DDX3X: variants seen among roughly 807,000 people sequenced by gnomAD.
DDX3X encodes the protein ATP-dependent RNA helicase DDX3X.
DDX3X carries 4 observed loss-of-function variants against 52.7 expected under a neutral mutation model. That is an observed-to-expected ratio of 0.08 (90% confidence interval 0.04 to 0.17). The LOEUF (loss-of-function observed/expected upper bound fraction) is 0.17, where lower values mean the gene tolerates loss of function less well. DDX3X is among the 10% of genes least tolerant of loss of function. The probability of loss-of-function intolerance (pLI) is 1.00; values close to 1 mark genes in which losing one functional copy is unlikely to be tolerated. For missense variants in DDX3X, 222 were observed against 548.6 expected, an observed-to-expected ratio of 0.40 and a Z score of 5.95; for synonymous variants, 192 against 178.1, an observed-to-expected ratio of 1.08 and a Z score of -0.62.
chrX:41,347,251 A>T (rs2063938103), intron 15 of DDX3X, 61 bp from the exon 16 acceptor site: 1 of 1,125,661 alleles, frequency 8.9e-7, no homozygotes, highest in South Asian at 2.0e-5. Flanking sequence ...ATTAGGAAAG[A>T]GTTAGGTTAC....
At chrX:41,334,490 G>T (rs1054301976) in intron 1 of DDX3X, 193 bp downstream of exon 1, 67 of 1,096,293 alleles carry the variant, frequency 6.1e-5, no homozygotes, top group Non-Finnish European at 7.5e-5. Flanking sequence ...CCCGGTCTCG[G>T]CCCGCTGTAT....
At chrX:41,361,369 G>A (rs181728948) in intron 5 of DDX3X, among the ~76,000 whole-genome samples, 7 of 109,430 alleles carry the variant, frequency 6.4e-5, no homozygotes, top group South Asian at 7.9e-4. Context: ...AAAATTAGCC[G>A]GGTGTGGTGG....
At chrX:41,358,306 G>A (rs756810754) in intron 5 of DDX3X, among the ~76,000 whole-genome samples, 122 of 109,283 alleles carry the variant, frequency 1.1e-3, no homozygotes, top group Non-Finnish European at 1.7e-3. Flanking sequence ...TCGAACCCCC[G>A]ACCTCGTGGT....
chrX:41,334,891 G>A lies in DDX3X; in HGVS notation c.45+594G>A, dbSNP rs185880715. 1.6e-3 allele frequency: 735 copies of A among 447,084 alleles called. 8 individuals carry two copies. The African/African-American group carries it at 0.018, about 11-fold the overall frequency. 36.8% of individuals were successfully genotyped at this position (447,084 alleles called of 1,213,427 possible). A position where few individuals can be genotyped will look rare whatever the true frequency, so the allele number is the denominator to read the frequency against. On this transcript the variant is annotated intron_variant, in intron 1 of 16. Coordinates refer to ENST00000644876, the MANE Select transcript of DDX3X (RefSeq NM_001356.5). ...CTCCGGGAGACGGCGGGTCTCGGGC[G>A]GGCGAAGGCCTGGAAAGGAGGATGG...
Position 41,346,445 on chromosome X carries a change from G to T in DDX3X, c.1497+35G>T, listed in dbSNP as rs1390135999. On this transcript the variant is annotated intron_variant, in intron 13 of 16. Transcript: ENST00000644876. Reference sequence around the variant, plus strand: ...AACATCTTTCTTTTATTCAAATTGAGCATGTTCAAGTATTTGTTTTCTTTT... The same window carrying T: ...AACATCTTTCTTTTATTCAAATTGATCATGTTCAAGTATTTGTTTTCTTTT... 4 of 1,195,545 alleles carry T rather than the reference G, an allele frequency of 3.3e-6. No homozygotes were observed. In the South Asian group the frequency reaches 5.4e-5, roughly 16 times the overall value.
rs1391636539 is a variant in DDX3X at position 41,350,189 on chromosome X, A to G, written c.*2470A>G. 8.9e-6 allele frequency: 1 copy of G among 112,547 alleles called. No homozygotes were observed. The highest frequency in any genetic ancestry group is 1.9e-5 in the Non-Finnish European group (1 of 53,300). 9.3% of individuals were successfully genotyped at this position (112,547 alleles called of 1,213,427 possible). A position where few individuals can be genotyped will look rare whatever the true frequency, so the allele number is the denominator to read the frequency against. ...GTGCATATTCTGATTTTATTAAAAT[A>G]AAAAGTTGAACTGCACAGTCTCCTT... On this transcript the variant is annotated 3_prime_UTR_variant, in exon 17 of 17. Transcript: ENST00000644876.
At chrX:41,355,070 C>T (rs951858681), downstream of DDX3X, among the ~76,000 whole-genome samples, 6 of 111,432 alleles carry the variant, frequency 5.4e-5, no homozygotes, top group African/African-American at 2.0e-4. Context: ...ATCCGCCCGC[C>T]TCGGCCTCCT....
chrX:41,357,975 A>G (rs1227333083), intron 5 of DDX3X: 1 of 290,677 alleles, frequency 3.4e-6, no homozygotes, highest in African/African-American at 2.8e-5. Flanking sequence ...GATGAAGACA[A>G]CCATAACTCA....
In DDX3X at chrX:41,355,787, C is replaced by T. The variant is rs772743326; in HGVS notation, c.654+8336C>T. Among the ~76,000 whole-genome samples, 31 of 109,309 alleles carry T rather than the reference C, an allele frequency of 2.8e-4. No homozygotes were observed. The Admixed American group carries it at 3.0e-3, about 11-fold the overall frequency. The allele number at this position is 109,309 out of a possible 115,157, so 94.9% of individuals were successfully genotyped here. On this transcript the variant is annotated intron_variant, in intron 5 of 5. Transcript: ENST00000616050. ...GCATGAGCCACCACACCAGGCATGTCATTATTTTTAAATTTTGGCTGCTCT... is the reference window on the plus strand; with the variant it reads ...GCATGAGCCACCACACCAGGCATGTTATTATTTTTAAATTTTGGCTGCTCT...
intron 4 of DDX3X, 102 bp from the exon 5 acceptor site, chrX:41,342,393 G>A (rs2063864036): frequency 1.1e-6 from 1 of 929,761 alleles, no homozygotes; most frequent in Admixed American, 2.6e-5. Flanking sequence ...ACATCCTTAT[G>A]GTTAGCCATA....
upstream of DDX3X, chrX:41,333,972 G>A (rs2063715331): frequency 3.1e-6 from 1 of 321,997 alleles, no homozygotes; most frequent in East Asian, 5.0e-5. Flanking sequence ...AAGCTCCAAG[G>A]CAGGACTGCT....
chrX:41,337,081 T>C (rs1191626547), intron 1 of DDX3X, among the ~76,000 whole-genome samples: 1 of 112,441 alleles, frequency 8.9e-6, no homozygotes, highest in Admixed American at 9.4e-5. Flanking sequence ...TTTAGTTTGG[T>C]GATTAGGGAG....
rs998833215 is a variant in DDX3X at position 41,348,178 on chromosome X, C to T, written c.*459C>T. 1.3e-5 allele frequency: 3 copies of T among 237,685 alleles called. No individual in the cohort carries two copies. The highest frequency in any genetic ancestry group is 1.2e-3 in the Middle Eastern group (1 of 843). The allele number at this position is 237,685 out of a possible 1,213,427, so 19.6% of individuals were successfully genotyped here. A position where few individuals can be genotyped will look rare whatever the true frequency, so the allele number is the denominator to read the frequency against. On this transcript the variant is annotated 3_prime_UTR_variant, in exon 17 of 17. Coordinates refer to ENST00000644876, the MANE Select transcript of DDX3X (RefSeq NM_001356.5). ...TGTGATACAACTTAACAGGAATCAT[C>T]GATTCATCCATAAATAATATAAGGA...
Position 41,346,640 on chromosome X carries a change from T to C in DDX3X, c.1615+18T>C. ...AAACCTTGGTAAGTATTTGATTACT[T>C]GATGGTTTCATTGTTTTTTGCTGTG... On this transcript the variant is annotated intron_variant, in intron 14 of 16. Transcript: ENST00000644876. 2 of 1,130,979 alleles carry C rather than the reference T, an allele frequency of 1.8e-6. No individual in the cohort carries two copies. The highest frequency in any genetic ancestry group is 1.8e-5 in the African/African-American group (1 of 56,040). The allele number at this position is 1,130,979 out of a possible 1,213,427, so 93.2% of individuals were successfully genotyped here. A position where few individuals can be genotyped will look rare whatever the true frequency, so the allele number is the denominator to read the frequency against.
At chrX:41,333,721 A>C (rs2063709929), upstream of DDX3X, 1 of 112,082 alleles carries the variant, frequency 8.9e-6, no homozygotes, top group Admixed American at 9.5e-5. Flanking sequence ...GAAAAAAAAA[A>C]CAAAAACAAA....
chrX:41,345,064 A>G (rs1360384413), intron 10 of DDX3X, 116 bp from the exon 11 acceptor site: 1 of 720,615 alleles, frequency 1.4e-6, no homozygotes, highest in African/African-American at 2.2e-5. Context: ...TAATGAATAT[A>G]TAATTGTAAT....
intron 8 of DDX3X, 22 bp from the exon 9 acceptor site, chrX:41,344,008 T>A: frequency 8.5e-7 from 1 of 1,172,730 alleles, no homozygotes; most frequent in Non-Finnish European, 1.1e-6. Flanking sequence ...AGAGTTAACT[T>A]AAAAATTAAC....
chrX:41,361,052 C>T (rs1280971345), intron 5 of DDX3X, among the ~76,000 whole-genome samples: 7 of 108,892 alleles, frequency 6.4e-5, no homozygotes, highest in African/African-American at 1.7e-4. Context: ...CCCAATATCA[C>T]CCATCAAGCC....
At chrX:41,338,835 C>T (rs2063807243) in intron 2 of DDX3X, 1 of 148,512 alleles carries the variant, frequency 6.7e-6, no homozygotes, top group Non-Finnish European at 1.3e-5. Flanking sequence ...TTTTATCAAA[C>T]TCCTTTCAGA....
Sources: allele counts gnomAD v4.1 joint callset (sites outside exome capture counted in the v4.1 genomes callset), GRCh38; gene constraint gnomAD v4.1.1; transcripts MANE v1.5; gene names NCBI Gene and HGNC (gene_info 2026-07-23, HGNC 2026-07-21).